WIPF3: variants seen among roughly 807,000 people sequenced by gnomAD.
The protein encoded by WIPF3 is WAS/WASL-interacting protein family member 3.
In WIPF3, 33 loss-of-function variants were observed where a neutral mutation model predicts 38.9. The observed-to-expected ratio is 0.85, with a 90% CI of 0.64 to 1.14. WIPF3 has a LOEUF of 1.14. Ranked by LOEUF, WIPF3 falls within the 50% of genes most tolerant of loss-of-function variation. The pLI is 0.00. For synonymous variants in WIPF3, 324 were observed against 269.3 expected, an observed-to-expected ratio of 1.20 and a Z score of -1.99; for missense variants, 711 against 652.5, an observed-to-expected ratio of 1.09 and a Z score of -0.98.
chr7:29,909,200 G>T (rs536312544), intron 8 of WIPF3, among the ~76,000 whole-genome samples: 1 of 151,736 alleles, frequency 6.6e-6, no homozygotes, highest in Non-Finnish European at 1.5e-5. Context: ...AAACAAGAAA[G>T]TTATCAAATC....
chr7:29,810,033 G>C (rs901888505), intron 1 of WIPF3, among the ~76,000 whole-genome samples: 1 of 152,194 alleles, frequency 6.6e-6, no homozygotes, highest in Non-Finnish European at 1.5e-5. Flanking sequence ...CTGAGGACGT[G>C]TGTCTGTGTG....
At position 29,823,655 on chromosome 7, in the gene WIPF3, G is replaced by A. The variant is rs184528894; in HGVS notation, c.-57-11013G>A. 1.2e-4 allele frequency among the ~76,000 whole-genome samples: 19 copies of A among 152,208 alleles called. No individual in the cohort carries two copies. Among genetic ancestry groups the A allele is most frequent in the Admixed American group, 5.2e-4 (8 of 15,280 alleles). On this transcript the variant is annotated intron_variant, in intron 1 of 8. Coordinates refer to ENST00000242140, the MANE Select transcript of WIPF3 (RefSeq NM_001080529.3). The surrounding 1 kb of genome is among the most constrained non-coding windows in gnomAD (Gnocchi z 4.0). Reference sequence around the variant, plus strand: ...TGTATCCCTGCCCAAATCTCATGTCGAACTGTAATCCCCAATGTTGGAGGT... The same window carrying A: ...TGTATCCCTGCCCAAATCTCATGTCAAACTGTAATCCCCAATGTTGGAGGT...
In WIPF3 at chr7:29,828,074, C is replaced by T. The variant is rs1784652168; in HGVS notation, c.-57-6594C>T. Among the ~76,000 whole-genome samples, 4 of 152,278 alleles carry T rather than the reference C, an allele frequency of 2.6e-5. No homozygotes were observed. In the South Asian group the frequency reaches 8.3e-4, roughly 32 times the overall value. ...TCGGCCTCCCAAAGTGCTGGGATTACAGGTATGAGCCACTGCACCCAGCCC... is the reference window on the plus strand; with the variant it reads ...TCGGCCTCCCAAAGTGCTGGGATTATAGGTATGAGCCACTGCACCCAGCCC... On this transcript the variant is annotated intron_variant, in intron 1 of 8. Transcript: ENST00000242140.
chr7:29,819,289 A>G (rs566832356), intron 1 of WIPF3, among the ~76,000 whole-genome samples: 66 of 151,906 alleles, frequency 4.3e-4, no homozygotes, highest in African/African-American at 1.5e-3. Context: ...GTCTGTTTCA[A>G]TTCAAGTTTT....
rs554367370 is a variant in WIPF3, at chr7:29,821,372, G to A, written c.-57-13296G>A. ...TGCTATGGTTTGATCACGGCTTACT[G>A]CAGCCTCCACCTTCTAGCCTCAAGC... On this transcript the variant is annotated intron_variant, in intron 1 of 8. Coordinates refer to ENST00000242140, the MANE Select transcript of WIPF3 (RefSeq NM_001080529.3). 3.3e-4 allele frequency among the ~76,000 whole-genome samples: 50 copies of A among 152,176 alleles called. 1 individual carries two copies. Among genetic ancestry groups the A allele is most frequent in the Middle Eastern group, 3.4e-3 (1 of 294 alleles).
At chr7:29,898,262 A>T (rs1786196413) in intron 7 of WIPF3, among the ~76,000 whole-genome samples, 1 of 152,066 alleles carries the variant, frequency 6.6e-6, no homozygotes, top group Non-Finnish European at 1.5e-5. Context: ...GTTACACCAC[A>T]CACTTCAGAG....
chr7:29,906,791 C>T (rs533362422), intron 8 of WIPF3, among the ~76,000 whole-genome samples: 3 of 152,256 alleles, frequency 2.0e-5, no homozygotes, highest in African/African-American at 7.2e-5. Context: ...AGTGACTCAT[C>T]ACATACAAGG....
intron 2 of WIPF3, among the ~76,000 whole-genome samples, chr7:29,855,518 G>C (rs1327635813): frequency 6.6e-6 from 1 of 152,172 alleles, no homozygotes; most frequent in South Asian, 2.1e-4. Flanking sequence ...TTATAGGACA[G>C]TCTTTCAGTA....
intron 7 of WIPF3, among the ~76,000 whole-genome samples, chr7:29,890,789 G>T (rs941299636): frequency 3.4e-5 from 5 of 147,630 alleles, no homozygotes; most frequent in African/African-American, 5.0e-5. Context: ...GGTGGAGGGG[G>T]CGAGGGCCTG....
intron 4 of WIPF3, among the ~76,000 whole-genome samples, chr7:29,879,367 A>G (rs139835923): frequency 1.1e-4 from 16 of 152,358 alleles, no homozygotes; most frequent in African/African-American, 3.8e-4. Context: ...CCATTGTAAT[A>G]GCTTAAAAAT....
intron 7 of WIPF3, among the ~76,000 whole-genome samples, chr7:29,901,383 A>ATTT (rs543723994): frequency 3.3e-5 from 4 of 122,186 alleles, no homozygotes; most frequent in Non-Finnish European, 6.6e-5. Context: ...AGCAGCAGTG[A>ATTT]TTTTTTTTTT....
At chr7:29,879,663 G>A (rs143139867) in intron 4 of WIPF3, among the ~76,000 whole-genome samples, 16 of 152,336 alleles carry the variant, frequency 1.1e-4, no homozygotes, top group African/African-American at 3.8e-4. Flanking sequence ...CATCTATAAA[G>A]AACTGCAGGT....
chr7:29,896,451 CA>C (rs1199089956), intron 7 of WIPF3, among the ~76,000 whole-genome samples: 1 of 151,866 alleles, frequency 6.6e-6, no homozygotes, highest in East Asian at 1.9e-4. Context: ...CCCATCACTA[CA>C]AAAAAATACA....
At chr7:29,854,368 T>C (rs1419663508) in intron 2 of WIPF3, among the ~76,000 whole-genome samples, 1 of 152,180 alleles carries the variant, frequency 6.6e-6, no homozygotes, top group Non-Finnish European at 1.5e-5. Context: ...TAGGATGAAA[T>C]TGAAAGCTAA....
chr7:29,850,168 G>A (rs1052744515), intron 2 of WIPF3, among the ~76,000 whole-genome samples: 15 of 152,104 alleles, frequency 9.9e-5, no homozygotes, highest in Non-Finnish European at 1.9e-4. Context: ...ACTTCATTTC[G>A]TGAAGAGGCA....
chr7:29,885,514 C>T (rs174969), intron 5 of WIPF3, among the ~76,000 whole-genome samples: 6 of 152,182 alleles, frequency 3.9e-5, no homozygotes, highest in African/African-American at 1.4e-4. Flanking sequence ...AGCTAATAGA[C>T]GGAAATTCAA....
At chr7:29,886,229 G>A (rs531174699) in intron 5 of WIPF3, among the ~76,000 whole-genome samples, 1 of 151,962 alleles carries the variant, frequency 6.6e-6, no homozygotes, top group African/African-American at 2.4e-5. Flanking sequence ...CAAGAGGTAA[G>A]GTTTTAATCA....
intron 3 of WIPF3, among the ~76,000 whole-genome samples, chr7:29,876,937 C>CT (rs1013686358): frequency 8.7e-5 from 13 of 148,796 alleles, no homozygotes; most frequent in African/African-American, 1.2e-4. Context: ...TACCTGGCTC[C>CT]TTTTTTTTTT....
chr7:29,866,895 C>T (rs1785397414), intron 2 of WIPF3, among the ~76,000 whole-genome samples: 1 of 152,244 alleles, frequency 6.6e-6, no homozygotes, highest in Admixed American at 6.5e-5. Flanking sequence ...GTATAAGAGG[C>T]TGTGTTGTGA....
Sources: allele counts gnomAD v4.1 joint callset (sites outside exome capture counted in the v4.1 genomes callset), GRCh38; gene constraint gnomAD v4.1.1; non-coding constraint Gnocchi (gnomAD v3.1); transcripts MANE v1.5; gene names NCBI Gene and HGNC (gene_info 2026-07-23, HGNC 2026-07-21).